ANK2: variants seen among roughly 807,000 people sequenced by gnomAD.
The protein encoded by ANK2 is ankyrin-2.
In ANK2, 83 loss-of-function variants were observed where a neutral mutation model predicts 360.5. The observed-to-expected ratio is 0.23, with a 90% CI of 0.19 to 0.28. ANK2 has a LOEUF of 0.28. ANK2 is among the 10% of genes least tolerant of loss of function. ANK2 has a pLI of 1.00. For missense variants in ANK2, 4,201 were observed against 4,795.7 expected (o/e 0.88, Z 3.66); for synonymous variants, 1,740 against 1,759.5 (o/e 0.99, Z 0.28).
At chr4:113,185,667 T>C (rs538129032) in intron 2 of ANK2, among the ~76,000 whole-genome samples, 20 of 152,314 alleles carry the variant, frequency 1.3e-4, no homozygotes, top group Non-Finnish European at 2.5e-4. Flanking sequence ...GTTGCCTATT[T>C]ACTCTGATGA....
chr4:113,371,334 A>C (rs1330925049), intron 43 of ANK2, among the ~76,000 whole-genome samples: 1 of 152,222 alleles, frequency 6.6e-6, no homozygotes, highest in Non-Finnish European at 1.5e-5. Context: ...GCCATGAATG[A>C]ATTTTTATTC....
At chr4:112,938,489 T>A (rs546512874) in intron 2 of ANK2, among the ~76,000 whole-genome samples, 2 of 152,350 alleles carry the variant, frequency 1.3e-5, no homozygotes, top group African/African-American at 4.8e-5. Flanking sequence ...TCCAGCAATC[T>A]ACTTTTATCT....
intron 1 of ANK2, among the ~76,000 whole-genome samples, chr4:112,875,309 C>T (rs919076261): frequency 1.3e-5 from 2 of 151,974 alleles, no homozygotes; most frequent in African/African-American, 2.4e-5. Context: ...TGCACCACTG[C>T]GCTCCGCCTA....
rs760265335 is a variant in ANK2 at position 113,332,031 on chromosome 4, G to T, written c.3185G>T (p.Arg1062Leu). Residue 1062 changes from arginine to leucine, a missense_variant, in exon 28 of 46, where the codon CGC (arginine) becomes CTC (leucine). Physicochemically the swap from Arg to Leu is moderately radical, Grantham distance 102. Coordinates refer to ENST00000357077, the MANE Select transcript of ANK2 (RefSeq NM_001148.6). ...AATGAGGGAGAAAGTTTGGTCAGCC[G>T]CATTCTTCAGCTGGGGCCTCCTGGA... Reference protein sequence around the residue: ...PLNEGESLVSRILQLGPPGTK... With the variant: ...PLNEGESLVSLILQLGPPGTK... The T allele has an allele frequency of 6.2e-7, 1 of 1,614,114 alleles. No individual in the cohort carries two copies. The highest frequency in any genetic ancestry group is 8.5e-7 in the Non-Finnish European group (1 of 1,180,020).
chr4:112,841,686 A>G (rs904514278), intron 1 of ANK2, among the ~76,000 whole-genome samples: 6 of 152,146 alleles, frequency 3.9e-5, no homozygotes, highest in Non-Finnish European at 8.8e-5. Context: ...CCCACAAAAC[A>G]TTATCTTACT....
At chr4:112,919,050 G>A (rs1484289948) in intron 2 of ANK2, among the ~76,000 whole-genome samples, 1 of 152,038 alleles carries the variant, frequency 6.6e-6, no homozygotes, top group Non-Finnish European at 1.5e-5. Context: ...TTTTCCACAT[G>A]GAAATACCCT....
At chr4:112,932,882 C>T (rs185303767) in intron 2 of ANK2, among the ~76,000 whole-genome samples, 2 of 152,214 alleles carry the variant, frequency 1.3e-5, no homozygotes, top group Admixed American at 1.3e-4. Context: ...GTTCAATGAT[C>T]CACCAAAATC....
chr4:112,849,317 G>A (rs866845248), intron 1 of ANK2, among the ~76,000 whole-genome samples: 6 of 151,950 alleles, frequency 3.9e-5, no homozygotes, highest in Admixed American at 3.9e-4. Flanking sequence ...TTTTAATGAC[G>A]TTAAAAGAAA....
chr4:112,706,553 C>T, the ANK2 span, among the ~76,000 whole-genome samples: 1 of 152,132 alleles, frequency 6.6e-6, no homozygotes, highest in East Asian at 1.9e-4. Context: ...CCAGCTGTCA[C>T]ATGACCCACT....
chr4:112,830,878 G>T (rs2059562216), intron 1 of ANK2, among the ~76,000 whole-genome samples: 1 of 152,192 alleles, frequency 6.6e-6, no homozygotes, highest in Non-Finnish European at 1.5e-5. Context: ...GTGGGCACGG[G>T]CTTGGTGGGC....
the ANK2 span, among the ~76,000 whole-genome samples, chr4:112,705,986 C>T: frequency 1.3e-5 from 2 of 151,252 alleles, no homozygotes; most frequent in Non-Finnish European, 3.0e-5. Flanking sequence ...GGCACAGCCG[C>T]CCCTTCCACT....
At chr4:112,733,998 C>G in the ANK2 span, among the ~76,000 whole-genome samples, 1 of 152,218 alleles carries the variant, frequency 6.6e-6, no homozygotes, top group Admixed American at 6.5e-5. Context: ...TGGTCTCGAA[C>G]TCCTGGCCTC....
chr4:113,131,120 C>G (rs1344569979), intron 1 of ANK2, among the ~76,000 whole-genome samples: 1 of 152,108 alleles, frequency 6.6e-6, no homozygotes, highest in African/African-American at 2.4e-5. Context: ...GTTTTATTAA[C>G]TACTAATCCT....
intron 4 of ANK2, among the ~76,000 whole-genome samples, chr4:113,210,871 T>C (rs1351055431): frequency 6.6e-6 from 1 of 152,190 alleles, no homozygotes; most frequent in Non-Finnish European, 1.5e-5. Context: ...AGGTCCTGAA[T>C]TACTTTCCCT....
At position 113,041,551 on chromosome 4, in the gene ANK2, G is replaced by T. The variant is rs140903164; in HGVS notation, c.22-132865G>T. On this transcript the variant is annotated intron_variant, in intron 2 of 30. Coordinates refer to the ANK2 transcript ENST00000503271. ...AGTGTGTTACATGGTTGCAAAATCT[G>T]CCCTTTTTAGCCATATCACCAGTAT... is the stretch of plus-strand genomic sequence containing the variant. Among the ~76,000 whole-genome samples the T allele has an allele frequency of 3.3e-4, 50 of 152,150 alleles. 1 individual carries two copies. In the East Asian group the frequency reaches 9.7e-3, roughly 30 times the overall value.
At chr4:112,719,683 G>C in the ANK2 span, among the ~76,000 whole-genome samples, 2 of 149,252 alleles carry the variant, frequency 1.3e-5, no homozygotes, top group African/African-American at 5.0e-5. Context: ...AGCTGAGATC[G>C]CCGATTACAC....
intron 2 of ANK2, among the ~76,000 whole-genome samples, chr4:113,196,089 T>A (rs1389152345): frequency 6.6e-6 from 1 of 152,214 alleles, no homozygotes; most frequent in Non-Finnish European, 1.5e-5. Flanking sequence ...TCTCTTTAAG[T>A]CATTTAAAAA....
chr4:113,333,906 A>T (rs1563838066), intron 29 of ANK2, among the ~76,000 whole-genome samples: 1 of 152,168 alleles, frequency 6.6e-6, no homozygotes, highest in African/African-American at 2.4e-5. Flanking sequence ...CAGTATGAAA[A>T]GAGGAAAGCG....
At chr4:113,158,391 A>G (rs1260710864) in intron 1 of ANK2, among the ~76,000 whole-genome samples, 1 of 152,204 alleles carries the variant, frequency 6.6e-6, no homozygotes, top group Non-Finnish European at 1.5e-5. Context: ...GTCAGACCAA[A>G]TCTTTGTCAT....
Sources: allele counts gnomAD v4.1 joint callset (sites outside exome capture counted in the v4.1 genomes callset), GRCh38; gene constraint gnomAD v4.1.1; transcripts MANE v1.5; gene names NCBI Gene and HGNC (gene_info 2026-07-23, HGNC 2026-07-21).